The following NRXN1 variants were observed in gnomAD, a reference collection of about 807,000 sequenced individuals.
NRXN1 encodes the protein neurexin 1, also known as neurexin-1.
Under a neutral mutation model 150.9 loss-of-function variants are expected in NRXN1, and 39 were observed. That is an observed-to-expected ratio of 0.26 (90% CI 0.20 to 0.34). The LOEUF (loss-of-function observed/expected upper bound fraction) is 0.34. Among genes scored for constraint, NRXN1 ranks in the 10% least tolerant of loss-of-function variants. The pLI is 1.00. For missense variants in NRXN1, 1,815 were observed against 1,949.9 expected (o/e 0.93, Z 1.30); for synonymous variants, 924 against 757.0 (o/e 1.22, Z -3.62).
chr2:50,827,883 C>G (rs371157035), intron 5 of NRXN1, among the ~76,000 whole-genome samples: 14 of 148,752 alleles, frequency 9.4e-5, no homozygotes, highest in East Asian at 5.8e-4. Context: ...TTAACCCTGA[C>G]TGGACACAGC....
chr2:50,303,529 T>C (rs1246723599), intron 17 of NRXN1, among the ~76,000 whole-genome samples: 1 of 152,174 alleles, frequency 6.6e-6, no homozygotes, highest in African/African-American at 2.4e-5. Context: ...CATGTCTATA[T>C]ACTTCCACAC....
chr2:50,760,671 C>T (rs1265674278), intron 5 of NRXN1, among the ~76,000 whole-genome samples: 1 of 150,612 alleles, frequency 6.6e-6, no homozygotes, highest in East Asian at 2.0e-4. Flanking sequence ...AACACCTTCA[C>T]AGAAAAAAAA....
At chr2:49,983,331 G>A (rs1027470611) in intron 21 of NRXN1, among the ~76,000 whole-genome samples, 7 of 152,178 alleles carry the variant, frequency 4.6e-5, no homozygotes, top group African/African-American at 7.2e-5. Flanking sequence ...TTAAGCAAAT[G>A]AGGAATAAAT....
intron 13 of NRXN1, among the ~76,000 whole-genome samples, chr2:50,499,767 G>C (rs1323021182): frequency 6.6e-6 from 1 of 151,876 alleles, no homozygotes; most frequent in East Asian, 1.9e-4. Flanking sequence ...GGCCAACATG[G>C]TGAAACTCTG....
chr2:50,212,718 GA>G (rs1037153505), intron 18 of NRXN1, among the ~76,000 whole-genome samples: 1 of 151,774 alleles, frequency 6.6e-6, no homozygotes, highest in Non-Finnish European at 1.5e-5. Context: ...AGGTCAGCTT[GA>G]AAGAAAAACC....
At chr2:49,982,607 A>T (rs999191764) in intron 21 of NRXN1, among the ~76,000 whole-genome samples, 1 of 152,074 alleles carries the variant, frequency 6.6e-6, no homozygotes, top group Non-Finnish European at 1.5e-5. Flanking sequence ...AGTAATAAAG[A>T]TATAATTTTC....
chr2:50,304,111 G>A (rs141738802), intron 17 of NRXN1, among the ~76,000 whole-genome samples: 11 of 152,216 alleles, frequency 7.2e-5, no homozygotes, highest in African/African-American at 2.4e-4. Context: ...AAAAGGTATG[G>A]CATATTTAGA....
intron 12 of NRXN1, among the ~76,000 whole-genome samples, chr2:50,527,646 A>G (rs2092991579): frequency 6.6e-6 from 1 of 152,116 alleles, no homozygotes; most frequent in Admixed American, 6.6e-5. Flanking sequence ...TTTTATTAGG[A>G]AAATAGTCTT....
intron 17 of NRXN1, among the ~76,000 whole-genome samples, chr2:50,247,321 T>G (rs1048894611): frequency 6.6e-6 from 1 of 152,112 alleles, no homozygotes; most frequent in East Asian, 1.9e-4. Context: ...TTGAATAGCA[T>G]AGCCAAAAAT....
intron 13 of NRXN1, among the ~76,000 whole-genome samples, chr2:50,500,717 T>A (rs965059553): frequency 2.0e-5 from 3 of 152,176 alleles, no homozygotes; most frequent in African/African-American, 7.2e-5. Flanking sequence ...AACCAAAACA[T>A]GTTTCCTAGA....
intron 5 of NRXN1, among the ~76,000 whole-genome samples, chr2:50,714,989 C>G (rs1172632643): frequency 6.6e-6 from 1 of 152,026 alleles, no homozygotes; most frequent in Non-Finnish European, 1.5e-5. Flanking sequence ...AAGAATGTGA[C>G]CCATAACATC....
intron 6 of NRXN1, 77 bp from the exon 7 acceptor site, chr2:50,621,326 T>G: frequency 1.8e-6 from 2 of 1,093,158 alleles, no homozygotes; most frequent in Non-Finnish European, 2.7e-6. Context: ...AATATGATGG[T>G]CTCTACCATG....
At chr2:50,410,713 G>C (rs956883688) in intron 17 of NRXN1, among the ~76,000 whole-genome samples, 16 of 152,146 alleles carry the variant, frequency 1.1e-4, no homozygotes, top group African/African-American at 3.9e-4. Flanking sequence ...GATGAGAAAA[G>C]CATTCTAGGC....
At chr2:50,010,285 A>G (rs902058940) in intron 21 of NRXN1, among the ~76,000 whole-genome samples, 4 of 152,138 alleles carry the variant, frequency 2.6e-5, no homozygotes. Flanking sequence ...GGCCGAGATA[A>G]TTTCTGTCCC....
chr2:50,000,791 T>A (rs986038926), intron 21 of NRXN1, among the ~76,000 whole-genome samples: 1 of 152,046 alleles, frequency 6.6e-6, no homozygotes, highest in African/African-American at 2.4e-5. Context: ...ATGGCTAGGA[T>A]CAGCTGAGAA....
At chr2:50,780,073 G>A (rs1184542245) in intron 5 of NRXN1, among the ~76,000 whole-genome samples, 2 of 152,160 alleles carry the variant, frequency 1.3e-5, no homozygotes, top group Non-Finnish European at 2.9e-5. Context: ...ACTGGCGTGA[G>A]ATGGTATCTC....
intron 5 of NRXN1, among the ~76,000 whole-genome samples, chr2:50,704,313 A>G (rs1273323418): frequency 6.6e-6 from 1 of 152,050 alleles, no homozygotes; most frequent in Non-Finnish European, 1.5e-5. Context: ...TTAAAAATAT[A>G]TATTATTCAT....
chr2:50,472,233 G>C (rs923598845), intron 16 of NRXN1, 65 bp downstream of exon 16: 8 of 1,343,784 alleles, frequency 6.0e-6, no homozygotes, highest in Middle Eastern at 3.9e-4. Context: ...TGGACAGTGA[G>C]ATTCACTCTC....
intron 8 of NRXN1, among the ~76,000 whole-genome samples, chr2:50,557,808 G>A (rs1171090488): frequency 6.6e-6 from 1 of 152,176 alleles, no homozygotes; most frequent in Non-Finnish European, 1.5e-5. Flanking sequence ...AGCTAAGAAG[G>A]TAGATAGCAA....
Sources: allele counts gnomAD v4.1 joint callset (sites outside exome capture counted in the v4.1 genomes callset), GRCh38; gene constraint gnomAD v4.1.1; transcripts MANE v1.5; gene names NCBI Gene and HGNC (gene_info 2026-07-23, HGNC 2026-07-21).